The following KIF2A variants were observed in gnomAD, a reference collection of about 807,000 sequenced individuals.
KIF2A encodes the protein kinesin-like protein KIF2A.
KIF2A carries 22 observed loss-of-function variants against 100.2 expected under a neutral mutation model. The ratio of observed to expected loss-of-function variants is 0.22; its 90% CI spans 0.16 to 0.31. KIF2A has a LOEUF of 0.31. Among genes scored for constraint, KIF2A ranks in the 10% least tolerant of loss-of-function variants. KIF2A has a pLI of 1.00. For missense variants in KIF2A, 495 were observed against 898.7 expected (o/e 0.55, Z 5.74); for synonymous variants, 268 against 285.9 (o/e 0.94, Z 0.63).
chr5:62,342,266 C>T (rs376298227), intron 1 of KIF2A, among the ~76,000 whole-genome samples: 47 of 152,198 alleles, frequency 3.1e-4, no homozygotes, highest in East Asian at 9.7e-4. Flanking sequence ...GATGCAGCAG[C>T]GGTAGGCTCC....
chr5:62,381,959 C>CT (rs1415626330), intron 20 of KIF2A, among the ~76,000 whole-genome samples: 2 of 152,136 alleles, frequency 1.3e-5, no homozygotes, highest in African/African-American at 4.8e-5. Context: ...TAAGTCGTGT[C>CT]TTTTTGGTTT....
At chr5:62,351,876 G>A (rs905296580) in intron 4 of KIF2A, among the ~76,000 whole-genome samples, 7 of 152,184 alleles carry the variant, frequency 4.6e-5, no homozygotes, top group East Asian at 1.9e-4. Flanking sequence ...ATATTTTGCC[G>A]GGTGTGGTGG....
intron 19 of KIF2A, among the ~76,000 whole-genome samples, chr5:62,379,162 C>T (rs1473920909): frequency 1.3e-5 from 2 of 152,060 alleles, no homozygotes; most frequent in South Asian, 2.1e-4. Flanking sequence ...AACAAGGTAT[C>T]CTATAAAGAC....
chr5:62,351,743 A>G (rs1580061385), intron 4 of KIF2A, among the ~76,000 whole-genome samples: 2 of 152,154 alleles, frequency 1.3e-5, no homozygotes, highest in African/African-American at 4.8e-5. Flanking sequence ...TCTGCTGAAG[A>G]TTTGCATATT....
intron 1 of KIF2A, chr5:62,308,534 ATGTG>A: frequency 1.4e-6 from 1 of 703,602 alleles, no homozygotes; most frequent in Non-Finnish European, 2.6e-6. Context: ...TAAAGAAATT[ATGTG>A]TGTGTGTATA....
chr5:62,316,718 G>A (rs1745834482), intron 1 of KIF2A, among the ~76,000 whole-genome samples: 1 of 152,146 alleles, frequency 6.6e-6, no homozygotes, highest in South Asian at 2.1e-4. Flanking sequence ...CTGGTGCAGG[G>A]CATTGATAGC....
At chr5:62,380,310 C>T (rs960007643) in intron 19 of KIF2A, among the ~76,000 whole-genome samples, 4 of 152,198 alleles carry the variant, frequency 2.6e-5, no homozygotes, top group African/African-American at 9.7e-5. Context: ...TTATTATGCA[C>T]ATTCTTCCCG....
At chr5:62,326,880 C>T (rs947529064) in intron 1 of KIF2A, among the ~76,000 whole-genome samples, 3 of 152,076 alleles carry the variant, frequency 2.0e-5, no homozygotes, top group Non-Finnish European at 4.4e-5. Flanking sequence ...GCCTGTGGTC[C>T]TACCTACTGA....
chr5:62,368,881 T>G (rs1053811248), intron 16 of KIF2A, among the ~76,000 whole-genome samples: 14 of 152,238 alleles, frequency 9.2e-5, no homozygotes, highest in African/African-American at 3.1e-4. Context: ...CTGCAAATCC[T>G]TATTGTGTTA....
In KIF2A at chr5:62,348,077, C is replaced by A; in HGVS notation, c.189C>A (p.Asn63Lys). The A allele has an allele frequency of 6.2e-7, 1 of 1,613,790 alleles. No homozygotes were observed. The highest frequency in any genetic ancestry group is 8.5e-7 in the Non-Finnish European group (1 of 1,179,746). Residue 63 changes from asparagine (N) to lysine (K), a missense_variant, in exon 3 of 21, where the codon AAC becomes AAA. Transcript: ENST00000407818. ...EIDLESIFSL[N>K]PDLVPDEEIE... The stretch of plus-strand genomic sequence containing the variant: ...ACCTGGAGAGCATCTTTTCACTTAA[C>A]CCTGACCTTGTTCCTGATGAAGAAA...
chr5:62,383,809 T>C (rs970882058), intron 20 of KIF2A, among the ~76,000 whole-genome samples: 13 of 152,248 alleles, frequency 8.5e-5, no homozygotes, highest in Admixed American at 2.6e-4. Context: ...CTTTGTAGCA[T>C]TCAACTTAAT....
chr5:62,323,705 TATC>T lies in KIF2A; in HGVS notation c.64+17173_64+17175del, dbSNP rs1300426277. Among the ~76,000 whole-genome samples the T allele has an allele frequency of 3.3e-5, 5 of 152,186 alleles. No individual in the cohort carries two copies. In the East Asian group the frequency reaches 9.7e-4, roughly 29 times the overall value. ...ATTAGTGAAGCTGAATGTAGGGGGT[TATC>T]ATCTATTGTGTAAGTTTGCAATTTT... On this transcript the variant is annotated intron_variant, in intron 1 of 20. Transcript: ENST00000407818.
At chr5:62,370,813 T>C (rs1455232464) in intron 16 of KIF2A, among the ~76,000 whole-genome samples, 1 of 152,106 alleles carries the variant, frequency 6.6e-6, no homozygotes, top group Non-Finnish European at 1.5e-5. Context: ...TTTAGTAACA[T>C]GTTTGAAGAA....
intron 11 of KIF2A, 91 bp downstream of exon 11, chr5:62,361,620 A>T (rs1580076188): frequency 1.4e-6 from 1 of 732,220 alleles, no homozygotes; most frequent in Non-Finnish European, 2.4e-6. Context: ...TTGTTCAGCA[A>T]CTATAATGCT....
At chr5:62,366,920 C>G (rs1741101640) in intron 16 of KIF2A, among the ~76,000 whole-genome samples, 1 of 151,844 alleles carries the variant, frequency 6.6e-6, no homozygotes, top group African/African-American at 2.4e-5. Context: ...GCATATTATT[C>G]CTTAAGATGA....
In KIF2A at chr5:62,389,004, A is replaced by C. The variant is rs1284258161; in HGVS notation, c.*3435A>C. The C allele has an allele frequency of 6.2e-7, 1 of 1,605,902 alleles. No individual in the cohort carries two copies. ...TTGACCTTGAAAATTTCTGTTTTCC[A>C]AATACCTAGGAAAAATGAATACCTT... On this transcript the variant is annotated 3_prime_UTR_variant, in exon 21 of 21. Coordinates refer to ENST00000407818, the MANE Select transcript of KIF2A (RefSeq NM_001098511.3).
At chr5:62,312,548 GTTTT>G (rs1313109854) in intron 1 of KIF2A, among the ~76,000 whole-genome samples, 4 of 152,246 alleles carry the variant, frequency 2.6e-5, no homozygotes, top group Middle Eastern at 6.8e-3. Flanking sequence ...TTGTTTGTTT[GTTTT>G]GAGATTACGA....
intron 13 of KIF2A, 48 bp downstream of exon 13, chr5:62,363,368 T>C (rs1284817942): frequency 6.4e-7 from 1 of 1,554,780 alleles, no homozygotes; most frequent in African/African-American, 1.4e-5. Context: ...TTAGAAACTT[T>C]GGGTACAGTA....
chr5:62,312,508 A>T (rs1561244763), intron 1 of KIF2A, among the ~76,000 whole-genome samples: 1 of 152,188 alleles, frequency 6.6e-6, no homozygotes, highest in East Asian at 1.9e-4. Flanking sequence ...CTGTTTTGTA[A>T]CCTAAAATAA....
Sources: allele counts gnomAD v4.1 joint callset (sites outside exome capture counted in the v4.1 genomes callset), GRCh38; gene constraint gnomAD v4.1.1; transcripts MANE v1.5; gene names NCBI Gene and HGNC (gene_info 2026-07-23, HGNC 2026-07-21).